The following KCNN2 variants were observed in gnomAD, a reference collection of about 807,000 sequenced individuals.
KCNN2 encodes small conductance calcium-activated potassium channel protein 2.
KCNN2 carries 24 observed loss-of-function variants against 55.5 expected under a neutral mutation model. The observed-to-expected ratio is 0.43, with a 90% CI of 0.31 to 0.61. The LOEUF is 0.61. Ranked by LOEUF, KCNN2 falls within the 20% of genes least tolerant of loss-of-function variation. The probability of loss-of-function intolerance (pLI) is 0.08; values close to 1 mark genes in which losing one functional copy is unlikely to be tolerated. For synonymous variants in KCNN2, 431 were observed against 336.1 expected, an observed-to-expected ratio of 1.28 and a Z score of -3.09; for missense variants, 754 against 853.6, an observed-to-expected ratio of 0.88 and a Z score of 1.45.
chr5:114,448,997 C>T (rs1051223725), intron 3 of KCNN2, among the ~76,000 whole-genome samples: 8 of 152,234 alleles, frequency 5.3e-5, no homozygotes, highest in Admixed American at 3.9e-4. Flanking sequence ...GTACGTCCTC[C>T]CTCGGCCTGC....
At chr5:114,401,285 C>G (rs912764721) in intron 2 of KCNN2, among the ~76,000 whole-genome samples, 23 of 152,108 alleles carry the variant, frequency 1.5e-4, no homozygotes, top group Non-Finnish European at 2.6e-4. Context: ...GAGGAAGTTA[C>G]CAAAGAGGAA....
chr5:114,272,968 G>T (rs893953971), intron 2 of KCNN2, among the ~76,000 whole-genome samples: 2 of 151,976 alleles, frequency 1.3e-5, no homozygotes, highest in Non-Finnish European at 2.9e-5. Context: ...ATGAGTGTTT[G>T]CTGCACCCAA....
chr5:114,144,752 G>C lies in KCNN2; in HGVS notation c.-270-76728G>C, dbSNP rs900609028. Among the ~76,000 whole-genome samples, 18 of 147,140 alleles carry C rather than the reference G, an allele frequency of 1.2e-4. No individual in the cohort carries two copies. In the Admixed American group the frequency reaches 1.3e-3, roughly 10 times the overall value. On this transcript the variant is annotated intron_variant, in intron 1 of 10. Transcript: ENST00000512097. ...TTTAACACAACTTTTAAGTAGTATA[G>C]TTTTGTTGGATTCCATATAGACAGT... is the stretch of plus-strand genomic sequence containing the variant.
rs1205206682 is a variant in KCNN2, at chr5:114,148,044, C to G, written c.-270-73436C>G. On this transcript the variant is annotated intron_variant, in intron 1 of 10. Coordinates refer to the KCNN2 transcript ENST00000512097. ...CTGTCGAATAGATTGTAACACAGTA[C>G]TGACAAACAACTGGCAAATAGTAGG... Among the ~76,000 whole-genome samples the G allele has an allele frequency of 2.0e-5, 3 of 152,138 alleles. No homozygotes were observed. The East Asian group carries it at 5.8e-4, about 29-fold the overall frequency.
chr5:114,308,887 GA>G (rs1247593146), intron 2 of KCNN2, among the ~76,000 whole-genome samples: 2 of 152,158 alleles, frequency 1.3e-5, no homozygotes, highest in African/African-American at 4.8e-5. Context: ...CTGAAGAGAA[GA>G]GTGAAATTTT....
intron 1 of KCNN2, among the ~76,000 whole-genome samples, chr5:114,083,869 G>C (rs1283972751): frequency 1.3e-5 from 2 of 151,950 alleles, no homozygotes; most frequent in Non-Finnish European, 1.5e-5. Flanking sequence ...CAAACCTCTG[G>C]AAACCACTTA....
At chr5:114,452,854 C>T (rs921705560) in intron 3 of KCNN2, among the ~76,000 whole-genome samples, 4 of 152,170 alleles carry the variant, frequency 2.6e-5, no homozygotes, top group African/African-American at 9.7e-5. Flanking sequence ...TCCTTTTGAA[C>T]TTAGATATGT....
intron 2 of KCNN2, among the ~76,000 whole-genome samples, chr5:114,353,781 T>G (rs1438449707): frequency 6.6e-6 from 1 of 152,010 alleles, no homozygotes; most frequent in African/African-American, 2.4e-5. Context: ...TTCTGGTCAC[T>G]ATTGTTTAGT....
intron 1 of KCNN2, among the ~76,000 whole-genome samples, chr5:114,205,067 C>G (rs1235456430): frequency 8.0e-6 from 1 of 124,540 alleles, no homozygotes; most frequent in Non-Finnish European, 1.7e-5. Flanking sequence ...GAGGAATCTT[C>G]AGTTTTTCTT....
intron 3 of KCNN2, among the ~76,000 whole-genome samples, chr5:114,419,277 G>T (rs1759401269): frequency 2.0e-5 from 3 of 152,120 alleles, no homozygotes; most frequent in Non-Finnish European, 4.4e-5. Context: ...TTTTTTAATT[G>T]TTTGGCGAAA....
At chr5:114,100,558 A>T (rs1288406049) in intron 1 of KCNN2, among the ~76,000 whole-genome samples, 1 of 152,068 alleles carries the variant, frequency 6.6e-6, no homozygotes, top group Non-Finnish European at 1.5e-5. Flanking sequence ...GTGTATCAGT[A>T]TGAATATATG....
chr5:114,200,442 G>T (rs990513655), intron 1 of KCNN2, among the ~76,000 whole-genome samples: 1 of 150,086 alleles, frequency 6.7e-6, no homozygotes, highest in Admixed American at 6.6e-5. Context: ...TCTTTATATC[G>T]TTTTTCTGAT....
At chr5:114,064,594 A>C (rs563393413) in intron 1 of KCNN2, among the ~76,000 whole-genome samples, 7 of 152,326 alleles carry the variant, frequency 4.6e-5, no homozygotes, top group African/African-American at 1.7e-4. Context: ...AATGCTACCA[A>C]GAGCAGAACT....
chr5:114,361,808 C>A (rs533688948), upstream of KCNN2, among the ~76,000 whole-genome samples: 1 of 152,194 alleles, frequency 6.6e-6, no homozygotes, highest in Admixed American at 6.5e-5. Flanking sequence ...CTCTCCATCT[C>A]CACGCAATCA....
intron 3 of KCNN2, among the ~76,000 whole-genome samples, chr5:114,410,979 T>C (rs1286350573): frequency 6.6e-6 from 1 of 152,208 alleles, no homozygotes; most frequent in Non-Finnish European, 1.5e-5. Flanking sequence ...AACTTTTGAA[T>C]ACCTTTGGAT....
chr5:114,375,646 C>T (rs1757906416), intron 2 of KCNN2, among the ~76,000 whole-genome samples: 1 of 151,908 alleles, frequency 6.6e-6, no homozygotes, highest in African/African-American at 2.4e-5. Context: ...AATTTTAATA[C>T]TGTTGTTGAA....
chr5:114,402,663 G>A (rs532642500), intron 2 of KCNN2, among the ~76,000 whole-genome samples: 1 of 152,314 alleles, frequency 6.6e-6, no homozygotes, highest in South Asian at 2.1e-4. Flanking sequence ...TGCATGCTGA[G>A]AGAAAGGGGA....
At chr5:114,069,114 C>G (rs1212516349) in intron 1 of KCNN2, among the ~76,000 whole-genome samples, 1 of 152,092 alleles carries the variant, frequency 6.6e-6, no homozygotes, top group Non-Finnish European at 1.5e-5. Context: ...CGCACCCTGC[C>G]AATTGCTTGC....
intron 2 of KCNN2, among the ~76,000 whole-genome samples, chr5:114,240,016 A>T (rs1223032428): frequency 1.3e-5 from 2 of 152,188 alleles, no homozygotes; most frequent in Non-Finnish European, 2.9e-5. Flanking sequence ...AGACCTTCCC[A>T]GTTCATTTTA....
Sources: allele counts gnomAD v4.1 joint callset (sites outside exome capture counted in the v4.1 genomes callset), GRCh38; gene constraint gnomAD v4.1.1; transcripts MANE v1.5; gene names NCBI Gene and HGNC (gene_info 2026-07-23, HGNC 2026-07-21).